The following PHACTR3 variants were observed in gnomAD, a reference collection of about 807,000 sequenced individuals.
PHACTR3 encodes protein phosphatase 1, regulatory subunit 123.
A neutral mutation model predicts 66.8 loss-of-function variants in PHACTR3; 16 were observed. The observed-to-expected ratio is 0.24, with a 90% CI of 0.16 to 0.36. PHACTR3 has a LOEUF of 0.36. Among genes scored for constraint, PHACTR3 ranks in the 10% least tolerant of loss-of-function variants. The pLI is 1.00. For synonymous variants in PHACTR3, 323 were observed against 292.1 expected, an observed-to-expected ratio of 1.11 and a Z score of -1.08; for missense variants, 647 against 719.9, an observed-to-expected ratio of 0.90 and a Z score of 1.16.
At chr20:59,770,539 T>C (rs181490326) in intron 5 of PHACTR3, among the ~76,000 whole-genome samples, 3 of 152,232 alleles carry the variant, frequency 2.0e-5, no homozygotes, top group Non-Finnish European at 4.4e-5. Flanking sequence ...CCACAGAAAT[T>C]TATTCGTCAC....
chr20:59,593,865 CT>C (rs775430850), intron 1 of PHACTR3, among the ~76,000 whole-genome samples: 2 of 152,174 alleles, frequency 1.3e-5, no homozygotes, highest in Non-Finnish European at 2.9e-5. Context: ...ATTTATTTGG[CT>C]GTTTTTCTGC....
chr20:59,660,491 C>CA (rs201206044), intron 1 of PHACTR3, among the ~76,000 whole-genome samples: 2 of 152,114 alleles, frequency 1.3e-5, no homozygotes, highest in African/African-American at 2.4e-5. Context: ...GACTCCGTCT[C>CA]AAAAAACAAA....
At chr20:59,628,182 T>G (rs1235510873) in intron 1 of PHACTR3, 1 of 152,190 alleles carries the variant, frequency 6.6e-6, no homozygotes, top group African/African-American at 2.4e-5. Flanking sequence ...CTCTCTCATG[T>G]CCTCCTCCCA....
At chr20:59,678,874 G>A (rs2036543593) in intron 1 of PHACTR3, among the ~76,000 whole-genome samples, 1 of 151,828 alleles carries the variant, frequency 6.6e-6, no homozygotes, top group African/African-American at 2.4e-5. Flanking sequence ...TCACATCTTG[G>A]GAACCTGTAT....
intron 1 of PHACTR3, among the ~76,000 whole-genome samples, chr20:59,677,955 A>G (rs2036508310): frequency 6.6e-6 from 1 of 152,224 alleles, no homozygotes; most frequent in South Asian, 2.1e-4. Context: ...AACTCTCAGC[A>G]GAAGGAAGCA....
chr20:59,692,150 T>C lies in PHACTR3; in HGVS notation c.119-50957T>C, dbSNP rs117942574. On this transcript the variant is annotated intron_variant, in intron 1 of 12. Coordinates refer to ENST00000371015, the MANE Select transcript of PHACTR3 (RefSeq NM_080672.5). ...AGTTCTTTCAGAGGGGTTGGCTTCA[T>C]TGATCTTGTGGGGAAAATCTTACAA... 9.8e-5 allele frequency among the ~76,000 whole-genome samples: 15 copies of C among 152,328 alleles called. No individual in the cohort carries two copies. In the East Asian group the frequency reaches 2.1e-3, roughly 22 times the overall value.
At chr20:59,656,572 A>G (rs146074110) in intron 1 of PHACTR3, among the ~76,000 whole-genome samples, 1 of 152,070 alleles carries the variant, frequency 6.6e-6, no homozygotes, top group African/African-American at 2.4e-5. Flanking sequence ...ATATAGTAGT[A>G]TCAGATTTTT....
chr20:59,824,410 A>G (rs1309760017), intron 8 of PHACTR3, among the ~76,000 whole-genome samples: 1 of 152,244 alleles, frequency 6.6e-6, no homozygotes, highest in Non-Finnish European at 1.5e-5. Flanking sequence ...TAGACTCTTA[A>G]TGATGATGTG....
intron 8 of PHACTR3, among the ~76,000 whole-genome samples, chr20:59,832,902 C>A (rs1182301298): frequency 6.6e-6 from 1 of 152,220 alleles, no homozygotes; most frequent in Non-Finnish European, 1.5e-5. Flanking sequence ...GGTGGCCTGG[C>A]CTTGTTGGGT....
chr20:59,652,332 C>A (rs988998536), intron 1 of PHACTR3, among the ~76,000 whole-genome samples: 2 of 152,022 alleles, frequency 1.3e-5, no homozygotes, highest in African/African-American at 2.4e-5. Flanking sequence ...TCACTTGAGG[C>A]CAGGAGTTCC....
chr20:59,845,061 G>T (rs2059125750), intron 11 of PHACTR3, 128 bp from the exon 12 acceptor site: 4 of 573,174 alleles, frequency 7.0e-6, no homozygotes, highest in Non-Finnish European at 1.2e-5. Flanking sequence ...CCAAAAAATT[G>T]TTTGTTTTTT....
rs567354241 is a variant in PHACTR3 at position 59,713,596 on chromosome 20, C to T, written c.119-29511C>T. On this transcript the variant is annotated intron_variant, in intron 1 of 12. Coordinates refer to ENST00000371015, the MANE Select transcript of PHACTR3 (RefSeq NM_080672.5). ...CATGTTACCGGGTTTGATAATATTT[C>T]ATCATTTTCTTTGCTGTATAGTATT... Among the ~76,000 whole-genome samples, 3 of 152,226 alleles carry T rather than the reference C, an allele frequency of 2.0e-5. No individual in the cohort carries two copies. The South Asian group carries it at 6.2e-4, about 32-fold the overall frequency.
At chr20:59,698,131 G>T (rs73303163) in intron 1 of PHACTR3, among the ~76,000 whole-genome samples, 5 of 152,164 alleles carry the variant, frequency 3.3e-5, no homozygotes, top group Non-Finnish European at 5.9e-5. Flanking sequence ...ATCAAATGTG[G>T]CATATTCTTA....
chr20:59,632,067 C>T (rs2034685495), intron 1 of PHACTR3, among the ~76,000 whole-genome samples: 1 of 152,212 alleles, frequency 6.6e-6, no homozygotes, highest in South Asian at 2.1e-4. Flanking sequence ...CGTGTGGGGA[C>T]TGTATCATCT....
At chr20:59,577,670 CCGGGCACGAGGCGCT>C in intron 1 of PHACTR3, 2 of 1,145,636 alleles carry the variant, frequency 1.7e-6, no homozygotes. Context: ...GGGGTGCCCG[CCGGGCACGAGGCGCT>C]GGGGGACGAC....
intron 1 of PHACTR3, among the ~76,000 whole-genome samples, chr20:59,587,788 T>C (rs1034568983): frequency 2.0e-5 from 3 of 151,986 alleles, no homozygotes; most frequent in African/African-American, 7.3e-5. Context: ...TGGGCCCGGG[T>C]CATTTTGGTT....
chr20:59,750,753 G>A (rs1480855959), intron 3 of PHACTR3, among the ~76,000 whole-genome samples: 3 of 152,194 alleles, frequency 2.0e-5, no homozygotes, highest in East Asian at 1.9e-4. Flanking sequence ...GTTGCTCTGG[G>A]AGGGGACTTG....
At chr20:59,719,788 G>A (rs911129718) in intron 1 of PHACTR3, among the ~76,000 whole-genome samples, 1 of 152,182 alleles carries the variant, frequency 6.6e-6, no homozygotes, top group Non-Finnish European at 1.5e-5. Flanking sequence ...TGGTGTGACT[G>A]ATGTTAACAT....
At chr20:59,839,159 G>A (rs924184141) in intron 9 of PHACTR3, among the ~76,000 whole-genome samples, 2 of 151,996 alleles carry the variant, frequency 1.3e-5, no homozygotes, top group South Asian at 4.1e-4. Flanking sequence ...ATCCCTCATG[G>A]CTTGCCTTGT....
Sources: allele counts gnomAD v4.1 joint callset (sites outside exome capture counted in the v4.1 genomes callset), GRCh38; gene constraint gnomAD v4.1.1; transcripts MANE v1.5; gene names NCBI Gene and HGNC (gene_info 2026-07-23, HGNC 2026-07-21).